CRYZ: variants seen among roughly 807,000 people sequenced by gnomAD.
The protein encoded by CRYZ is zeta-crystallin.
A neutral mutation model predicts 34.1 loss-of-function variants in CRYZ; 35 were observed. The ratio of observed to expected loss-of-function variants is 1.03; its 90% CI spans 0.78 to 1.36. The LOEUF (loss-of-function observed/expected upper bound fraction) is 1.36, where lower values mean the gene tolerates loss of function less well. CRYZ is among the 40% of genes most tolerant of loss of function. The probability of loss-of-function intolerance (pLI) is 0.00; values close to 1 mark genes in which losing one functional copy is unlikely to be tolerated. For missense variants in CRYZ, 403 were observed against 391.8 expected (o/e 1.03, Z -0.24); for synonymous variants, 137 against 136.5 (o/e 1.00, Z -0.03).
intron 1 of CRYZ, among the ~76,000 whole-genome samples, chr1:74,730,127 T>TC (rs1557736214): frequency 6.8e-4 from 102 of 150,784 alleles, no homozygotes; most frequent in Admixed American, 2.3e-3. Flanking sequence ...ATCTGTATCT[T>TC]TCCCCCCCCA....
chr1:74,720,576 C>T (rs1352575912), intron 3 of CRYZ, among the ~76,000 whole-genome samples: 3 of 152,012 alleles, frequency 2.0e-5, no homozygotes, highest in Non-Finnish European at 2.9e-5. Context: ...AATGATTGCT[C>T]AGTATACTTT....
At chr1:74,732,597 C>CG (rs56898084) in intron 1 of CRYZ, among the ~76,000 whole-genome samples, 14 of 52,646 alleles carry the variant, frequency 2.7e-4, no homozygotes, top group South Asian at 1.0e-3. Context: ...GGGTGACTGG[C>CG]GGGGGGGGGG....
At chr1:74,725,166 T>A (rs1000835727) in intron 1 of CRYZ, among the ~76,000 whole-genome samples, 1 of 152,182 alleles carries the variant, frequency 6.6e-6, no homozygotes, top group African/African-American at 2.4e-5. Context: ...TGAGTTGAGT[T>A]TTATTAACAT....
intron 4 of CRYZ, among the ~76,000 whole-genome samples, chr1:74,715,367 G>A (rs1193975001): frequency 6.6e-6 from 1 of 152,182 alleles, no homozygotes; most frequent in Non-Finnish European, 1.5e-5. Context: ...CCAGATGGAC[G>A]GTGCCAATGT....
chr1:74,722,408 A>C (rs1435395590), intron 3 of CRYZ, among the ~76,000 whole-genome samples: 2 of 152,280 alleles, frequency 1.3e-5, no homozygotes, highest in East Asian at 3.9e-4. Flanking sequence ...CGATGGGGGC[A>C]GAAGCCAGGT....
intron 5 of CRYZ, among the ~76,000 whole-genome samples, chr1:74,714,370 G>A (rs752376482): frequency 2.0e-5 from 3 of 151,954 alleles, no homozygotes; most frequent in African/African-American, 7.2e-5. Flanking sequence ...TTTTGAAGGG[G>A]TGCTCTGTTG....
intron 1 of CRYZ, among the ~76,000 whole-genome samples, chr1:74,728,174 C>A (rs933396080): frequency 2.0e-5 from 3 of 152,118 alleles, no homozygotes; most frequent in African/African-American, 7.2e-5. Context: ...AAACACTTGG[C>A]TTTATGTAGT....
chr1:74,707,481 G>T, intron 6 of CRYZ: 1 of 213,050 alleles, frequency 4.7e-6, no homozygotes, highest in Non-Finnish European at 9.2e-6. Context: ...GACTCAACTT[G>T]AGTATAAAAT....
chr1:74,724,464 C>T lies in CRYZ; in HGVS notation c.111+247G>A, dbSNP rs143455658. Among the ~76,000 whole-genome samples the T allele has an allele frequency of 5.5e-4, 84 of 152,278 alleles. No individual in the cohort carries two copies. In the East Asian group the frequency reaches 0.015, roughly 27 times the overall value. On this transcript the variant is annotated intron_variant, in intron 2 of 8. Transcript: ENST00000340866. ...TCCATTCAGAAAAATCCAATTATTG[C>T]ACTACATAGATCATTCCCTACATCA...
At chr1:74,726,817 G>A (rs991033155) in intron 1 of CRYZ, among the ~76,000 whole-genome samples, 10 of 151,958 alleles carry the variant, frequency 6.6e-5, no homozygotes, top group African/African-American at 9.7e-5. Flanking sequence ...TTAATAATGC[G>A]CAAGTCACCT....
At chr1:74,732,208 G>C (rs1446364987) in intron 1 of CRYZ, among the ~76,000 whole-genome samples, 1 of 148,324 alleles carries the variant, frequency 6.7e-6, no homozygotes, top group Non-Finnish European at 1.5e-5. Flanking sequence ...GTGGGCTGTG[G>C]GAAGGGGCCC....
At chr1:74,717,912 A>G (rs76991814) in intron 4 of CRYZ, among the ~76,000 whole-genome samples, 6,239 of 152,202 alleles carry the variant, frequency 0.041, 430 homozygotes, top group African/African-American at 0.14. Flanking sequence ...CTCTCTGAGG[A>G]ATTTCAACCA....
intron 6 of CRYZ, chr1:74,708,228 CTG>C (rs1646956110): frequency 6.6e-6 from 1 of 152,058 alleles, no homozygotes; most frequent in African/African-American, 2.4e-5. Flanking sequence ...AGAGAGGAGA[CTG>C]TAAGTTGGGA....
rs538741362 is a variant in CRYZ, at chr1:74,712,319, C to A, written c.481-2072G>T. On this transcript the variant is annotated intron_variant, in intron 5 of 8. Transcript: ENST00000340866. ...CCATGTATTGAAGGATATCTACTCT[C>A]TAGATGCCAGAACCCCTTCCCCAAG... Among the ~76,000 whole-genome samples, 5 of 152,272 alleles carry A rather than the reference C, an allele frequency of 3.3e-5. No individual in the cohort carries two copies. The East Asian group carries it at 7.7e-4, about 24-fold the overall frequency.
chr1:74,723,867 G>A (rs116204738), intron 2 of CRYZ, among the ~76,000 whole-genome samples: 2,586 of 152,260 alleles, frequency 0.017, 31 homozygotes, highest in East Asian at 0.055. Flanking sequence ...TCCATGGCTG[G>A]ACTATTGCAA....
intron 6 of CRYZ, chr1:74,707,992 A>C (rs1236088181): frequency 2.6e-5 from 4 of 152,178 alleles, no homozygotes; most frequent in African/African-American, 9.7e-5. Flanking sequence ...GGTCAGATAA[A>C]GTTCCACAGA....
intron 1 of CRYZ, among the ~76,000 whole-genome samples, chr1:74,728,692 T>C (rs1647518271): frequency 6.6e-6 from 1 of 152,108 alleles, no homozygotes; most frequent in African/African-American, 2.4e-5. Context: ...GAATCATAAG[T>C]ATTTTGGTAG....
intron 6 of CRYZ, among the ~76,000 whole-genome samples, chr1:74,709,517 T>C (rs879895888): frequency 2.0e-5 from 3 of 152,204 alleles, no homozygotes; most frequent in Admixed American, 6.5e-5. Flanking sequence ...CGTGAGGAAG[T>C]GGTTGAGGAT....
intron 4 of CRYZ, among the ~76,000 whole-genome samples, chr1:74,717,471 G>A (rs1182155158): frequency 6.6e-6 from 1 of 152,066 alleles, no homozygotes; most frequent in Non-Finnish European, 1.5e-5. Context: ...GACCTCTGTT[G>A]CATTTGACAG....
Sources: gnomAD v4.1 joint callset for allele counts (sites outside exome capture counted in the v4.1 genomes callset) on GRCh38, gnomAD v4.1.1 for gene constraint, MANE v1.5 for transcripts, NCBI Gene and HGNC (gene_info 2026-07-23, HGNC 2026-07-21) for gene names.